The following TSHZ2 variants were observed in gnomAD, a reference collection of about 807,000 sequenced individuals.
TSHZ2 encodes the protein teashirt homolog 2.
In TSHZ2, 21 loss-of-function variants were observed where a neutral mutation model predicts 74.4. The observed-to-expected ratio is 0.28, with a 90% CI of 0.20 to 0.41. The LOEUF (loss-of-function observed/expected upper bound fraction) is 0.41. TSHZ2 is among the 10% of genes least tolerant of loss of function. The pLI is 1.00. For missense variants in TSHZ2, 1,244 were observed against 1,293.5 expected (o/e 0.96, Z 0.59); for synonymous variants, 540 against 515.3 (o/e 1.05, Z -0.65).
chr20:53,409,834 CTTTTTTTTTTT>C lies in TSHZ2; in HGVS notation c.*9-77290_*9-77280del, dbSNP rs71194475. ...AGAATTCACATCTTTGTTTTCTTTT[CTTTTTTTTTTT>C]TTTTTTTTTTTTTTTTTTTGAGACG... is the stretch of plus-strand genomic sequence containing the variant. On this transcript the variant is annotated intron_variant, in intron 2 of 2. Coordinates refer to ENST00000371497, the MANE Select transcript of TSHZ2 (RefSeq NM_173485.6). Among the ~76,000 whole-genome samples, 11 of 49,338 alleles carry C rather than the reference CTTTTTTTTTTT, an allele frequency of 2.2e-4. 1 individual carries two copies. Among genetic ancestry groups the C allele is most frequent in the Admixed American group, 6.5e-4 (2 of 3,088 alleles). The allele number at this position is 49,338 out of a possible 152,430, so 32.4% of individuals were successfully genotyped here.
At chr20:53,221,158 C>T (rs1034618506) in intron 1 of TSHZ2, among the ~76,000 whole-genome samples, 1 of 152,130 alleles carries the variant, frequency 6.6e-6, no homozygotes, top group Non-Finnish European at 1.5e-5. Context: ...TTATTCTCAC[C>T]TTGCCAGCCT....
intron 1 of TSHZ2, among the ~76,000 whole-genome samples, chr20:53,037,850 C>G (rs1473401352): frequency 1.3e-5 from 2 of 152,140 alleles, no homozygotes; most frequent in Non-Finnish European, 2.9e-5. Flanking sequence ...GGTCCACCCT[C>G]TCTCCACACC....
At chr20:53,042,541 A>G (rs1428070061) in intron 1 of TSHZ2, among the ~76,000 whole-genome samples, 1 of 152,196 alleles carries the variant, frequency 6.6e-6, no homozygotes, top group Non-Finnish European at 1.5e-5. Flanking sequence ...GTGAGTTTAA[A>G]CAATTTGCCT....
At chr20:53,048,298 A>G (rs555172131) in intron 1 of TSHZ2, among the ~76,000 whole-genome samples, 3 of 152,204 alleles carry the variant, frequency 2.0e-5, no homozygotes, top group African/African-American at 7.2e-5. Flanking sequence ...TACATTTTTA[A>G]AAGAAGGGGA....
intron 2 of TSHZ2, among the ~76,000 whole-genome samples, chr20:53,295,354 A>G (rs1045924921): frequency 6.6e-6 from 1 of 152,220 alleles, no homozygotes; most frequent in African/African-American, 2.4e-5. Context: ...CTATAAAAAC[A>G]TGGATAATAA....
chr20:53,308,150 AAAG>A (rs1978625643), intron 2 of TSHZ2, among the ~76,000 whole-genome samples: 3 of 152,254 alleles, frequency 2.0e-5, no homozygotes, highest in Admixed American at 2.0e-4. Flanking sequence ...GGAGAAAAAT[AAAG>A]AAGAAATAGA....
chr20:53,029,738 A>G lies in TSHZ2; in HGVS notation c.40+56405A>G, dbSNP rs967152994. 4.0e-4 allele frequency among the ~76,000 whole-genome samples: 61 copies of G among 152,198 alleles called. 1 individual carries two copies. The highest frequency in any genetic ancestry group is 1.3e-3 in the African/African-American group (55 of 41,450). ...ATTCATATGGATGGATGTTGGAAAGATGTGTGGCGAGGTGAACAAGCAAGT... is the reference window on the plus strand; with the variant it reads ...ATTCATATGGATGGATGTTGGAAAGGTGTGTGGCGAGGTGAACAAGCAAGT... On this transcript the variant is annotated intron_variant, in intron 1 of 2. Transcript: ENST00000371497.
At chr20:53,003,399 T>C (rs1982517098) in intron 1 of TSHZ2, among the ~76,000 whole-genome samples, 1 of 152,088 alleles carries the variant, frequency 6.6e-6, no homozygotes, top group Admixed American at 6.6e-5. Flanking sequence ...CTGAGAAAAT[T>C]GTGGCCCTTC....
At chr20:53,142,805 C>G (rs562736000) in intron 1 of TSHZ2, among the ~76,000 whole-genome samples, 1 of 148,524 alleles carries the variant, frequency 6.7e-6, no homozygotes, top group Non-Finnish European at 1.5e-5. Flanking sequence ...ACCCACAAGC[C>G]GGTAACAGTA....
intron 1 of TSHZ2, among the ~76,000 whole-genome samples, chr20:53,138,402 A>G (rs568253262): frequency 6.6e-6 from 1 of 151,912 alleles, no homozygotes; most frequent in Admixed American, 6.6e-5. Context: ...AAAAAAAAAA[A>G]AAAACAATAC....
intron 1 of TSHZ2, among the ~76,000 whole-genome samples, chr20:53,211,445 C>G (rs1198958643): frequency 6.6e-6 from 1 of 151,732 alleles, no homozygotes; most frequent in Non-Finnish European, 1.5e-5. Flanking sequence ...AAGGAACATT[C>G]ACAGTCAAAG....
intron 1 of TSHZ2, among the ~76,000 whole-genome samples, chr20:53,165,922 A>G (rs772316592): frequency 2.0e-5 from 3 of 152,212 alleles, no homozygotes; most frequent in Non-Finnish European, 4.4e-5. Context: ...GGGCTCACAC[A>G]GCATTCCCAT....
chr20:53,009,503 T>A (rs981877755), intron 1 of TSHZ2, among the ~76,000 whole-genome samples: 3 of 152,214 alleles, frequency 2.0e-5, no homozygotes, highest in Non-Finnish European at 4.4e-5. Context: ...AGGCACATAA[T>A]TTAAAACTTA....
intron 1 of TSHZ2, among the ~76,000 whole-genome samples, chr20:53,052,623 A>T (rs867811286): frequency 1.3e-5 from 2 of 152,166 alleles, no homozygotes; most frequent in African/African-American, 4.8e-5. Context: ...ATGTATCAGA[A>T]TTTTTTTCTT....
intron 2 of TSHZ2, among the ~76,000 whole-genome samples, chr20:53,441,323 T>C (rs989305534): frequency 4.0e-5 from 6 of 151,850 alleles, no homozygotes; most frequent in African/African-American, 1.5e-4. Context: ...TGGAGTGCAG[T>C]GGCACGATCT....
intron 1 of TSHZ2, among the ~76,000 whole-genome samples, chr20:53,066,367 C>A (rs1390049234): frequency 1.3e-5 from 2 of 152,168 alleles, no homozygotes; most frequent in South Asian, 4.2e-4. Flanking sequence ...CCTTCACTGC[C>A]CCCCACCCCC....
intron 1 of TSHZ2, among the ~76,000 whole-genome samples, chr20:53,235,046 G>T (rs2426469): frequency 6.6e-6 from 1 of 150,450 alleles, no homozygotes; most frequent in African/African-American, 2.4e-5. Flanking sequence ...TCCCCTAGGA[G>T]CGCACCTCGT....
At chr20:53,145,446 C>T (rs1209402413) in intron 1 of TSHZ2, among the ~76,000 whole-genome samples, 2 of 152,046 alleles carry the variant, frequency 1.3e-5, no homozygotes, top group African/African-American at 4.8e-5. Context: ...TTTGAGTACA[C>T]ATTCTTTCTT....
chr20:53,251,027 G>A (rs1377687826), intron 1 of TSHZ2, among the ~76,000 whole-genome samples: 1 of 152,092 alleles, frequency 6.6e-6, no homozygotes, highest in East Asian at 1.9e-4. Context: ...CTAGATGTCA[G>A]GCACGGTGCT....
Sources: gnomAD v4.1 joint callset for allele counts (sites outside exome capture counted in the v4.1 genomes callset) on GRCh38, gnomAD v4.1.1 for gene constraint, MANE v1.5 for transcripts, NCBI Gene and HGNC (gene_info 2026-07-23, HGNC 2026-07-21) for gene names.